Variants in RAB2B observed in about 807,000 individuals in gnomAD.
RAB2B encodes RAB2B, member RAS oncogene family, also known as ras-related protein Rab-2B.
A neutral mutation model predicts 29.8 loss-of-function variants in RAB2B; 20 were observed. The ratio of observed to expected loss-of-function variants is 0.67; its 90% CI spans 0.47 to 0.97. RAB2B has a LOEUF of 0.97. RAB2B is among the 50% of genes least tolerant of loss of function. RAB2B has a pLI of 0.00. For missense variants in RAB2B, 218 were observed against 272.0 expected (o/e 0.80, Z 1.40); for synonymous variants, 93 against 91.7 (o/e 1.01, Z -0.08).
intron 3 of RAB2B, among the ~76,000 whole-genome samples, chr14:21,469,786 T>C (rs1326859986): frequency 6.6e-6 from 1 of 152,144 alleles, no homozygotes; most frequent in East Asian, 1.9e-4. Flanking sequence ...GGCTTTCTCA[T>C]AGTATAATAC....
chr14:21,471,063 C>T (rs1890800896), intron 3 of RAB2B, among the ~76,000 whole-genome samples: 1 of 148,980 alleles, frequency 6.7e-6, no homozygotes. Flanking sequence ...ATCCCAGCTA[C>T]TCAGGAGGCT....
chr14:21,470,780 G>C (rs76533114), intron 3 of RAB2B, among the ~76,000 whole-genome samples: 2 of 152,248 alleles, frequency 1.3e-5, no homozygotes, highest in African/African-American at 2.4e-5. Flanking sequence ...AGGCCCACAT[G>C]ATGGTTCAAT....
At chr14:21,468,540 C>G in intron 4 of RAB2B, 91 bp from the exon 5 acceptor site, 1 of 1,329,570 alleles carries the variant, frequency 7.5e-7, no homozygotes, top group Non-Finnish European at 1.1e-6. Context: ...GGAAGCCATA[C>G]GTGTAAAGAA....
intron 5 of RAB2B, among the ~76,000 whole-genome samples, chr14:21,466,726 T>C (rs1377978918): frequency 6.6e-6 from 1 of 152,110 alleles, no homozygotes; most frequent in East Asian, 1.9e-4. Context: ...TATCTTCATA[T>C]CTCTGAGAAG....
chr14:21,474,758 C>T (rs1890907089), intron 3 of RAB2B, 109 bp downstream of exon 3: 3 of 829,414 alleles, frequency 3.6e-6, no homozygotes, highest in Non-Finnish European at 6.0e-6. Flanking sequence ...CACCTTTCCC[C>T]TACTTTATCC....
intron 3 of RAB2B, among the ~76,000 whole-genome samples, chr14:21,474,162 G>C (rs1890889499): frequency 6.6e-6 from 1 of 152,182 alleles, no homozygotes; most frequent in Non-Finnish European, 1.5e-5. Flanking sequence ...TTGCATTCCA[G>C]CCTGGGTGAC....
chr14:21,474,177 GTGAA>G (rs1890890063), intron 3 of RAB2B, among the ~76,000 whole-genome samples: 2 of 152,164 alleles, frequency 1.3e-5, no homozygotes, highest in South Asian at 4.1e-4. Flanking sequence ...GGTGACAAGA[GTGAA>G]TCTCTGTCTC....
At chr14:21,469,440 A>G (rs552202202) in intron 3 of RAB2B, among the ~76,000 whole-genome samples, 3 of 152,208 alleles carry the variant, frequency 2.0e-5, no homozygotes, top group Non-Finnish European at 4.4e-5. Flanking sequence ...GGCCCAGCAT[A>G]GAGTTTTCCT....
At position 21,461,154 on chromosome 14, in the gene RAB2B, G is replaced by A. The variant is rs764676477; in HGVS notation, c.*42C>T. 21 of 1,360,304 alleles carry A rather than the reference G, an allele frequency of 1.5e-5. No individual in the cohort carries two copies. The highest frequency in any genetic ancestry group is 2.1e-5 in the Non-Finnish European group (20 of 957,674). The allele number at this position is 1,360,304 out of a possible 1,614,324, so 84.3% of individuals were successfully genotyped here. Reference sequence around the variant, plus strand: ...CCTCTTTCATTAAGCCTATTGATCTGAAGCTATTCCAGGAAGGACAAAAAA... The same window carrying A: ...CCTCTTTCATTAAGCCTATTGATCTAAAGCTATTCCAGGAAGGACAAAAAA... On this transcript the variant is annotated 3_prime_UTR_variant, in exon 8 of 8. Transcript: ENST00000397762.
At chr14:21,472,633 A>G (rs1453481356) in intron 3 of RAB2B, among the ~76,000 whole-genome samples, 1 of 152,218 alleles carries the variant, frequency 6.6e-6, no homozygotes, top group Non-Finnish European at 1.5e-5. Context: ...ATTAATCTCA[A>G]GACAATTTTA....
At chr14:21,475,024 A>T (rs140285964) in intron 2 of RAB2B, 90 bp from the exon 3 acceptor site, 1 of 981,886 alleles carries the variant, frequency 1.0e-6, no homozygotes. Context: ...AATGTGTTAT[A>T]ACCATCCTTT....
At chr14:21,472,201 A>G (rs557159738) in intron 3 of RAB2B, among the ~76,000 whole-genome samples, 18 of 152,346 alleles carry the variant, frequency 1.2e-4, no homozygotes, top group Non-Finnish European at 2.5e-4. Context: ...TTATTTGATC[A>G]GTATTTTATA....
intron 3 of RAB2B, among the ~76,000 whole-genome samples, chr14:21,472,955 G>A (rs1419686505): frequency 6.6e-6 from 1 of 152,192 alleles, no homozygotes. Context: ...ACTTTGGGAG[G>A]CTGAGGAGGG....
Position 21,459,511 on chromosome 14 carries a change from G to A in RAB2B, c.*1685C>T, listed in dbSNP as rs751873151. The A allele has an allele frequency of 2.0e-5, 3 of 151,942 alleles. No homozygotes were observed. Among genetic ancestry groups the A allele is most frequent in the Non-Finnish European group, 4.4e-5 (3 of 68,014 alleles). 9.4% of individuals were successfully genotyped at this position (151,942 alleles called of 1,614,324 possible). Reference sequence around the variant, plus strand: ...AGGCACTGTAAAGGAATGATAGGGGGAATAATTTATAAAAATAAAGGAATG... The same window carrying A: ...AGGCACTGTAAAGGAATGATAGGGGAAATAATTTATAAAAATAAAGGAATG... On this transcript the variant is annotated 3_prime_UTR_variant, in exon 8 of 8. Coordinates refer to ENST00000397762, the MANE Select transcript of RAB2B (RefSeq NM_032846.4).
chr14:21,463,215 A>G (rs1023810575), intron 6 of RAB2B, among the ~76,000 whole-genome samples: 10 of 151,690 alleles, frequency 6.6e-5, no homozygotes, highest in Admixed American at 5.9e-4. Context: ...AAGGAATGAG[A>G]CATGTAGTCA....
intron 5 of RAB2B, 120 bp from the exon 6 acceptor site, chr14:21,463,887 T>C (rs557618655): frequency 1.6e-6 from 1 of 644,790 alleles, no homozygotes; most frequent in African/African-American, 1.8e-5. Context: ...AGAATGTAGA[T>C]CCTACATGAT....
chr14:21,464,184 G>C (rs1039779514), intron 5 of RAB2B, among the ~76,000 whole-genome samples: 2 of 151,814 alleles, frequency 1.3e-5, no homozygotes, highest in Non-Finnish European at 2.9e-5. Flanking sequence ...GGTGGATCAC[G>C]AGTTCAGGAG....
At chr14:21,464,985 C>T (rs1890654279) in intron 5 of RAB2B, among the ~76,000 whole-genome samples, 2 of 150,786 alleles carry the variant, frequency 1.3e-5, no homozygotes, top group Admixed American at 6.7e-5. Flanking sequence ...GGCAACAGCA[C>T]GAGACCTTGT....
chr14:21,463,252 T>TC (rs1890607838), intron 6 of RAB2B, among the ~76,000 whole-genome samples: 1 of 150,658 alleles, frequency 6.6e-6, no homozygotes, highest in South Asian at 2.1e-4. Context: ...TTCTTTCTTT[T>TC]TTTTTTTTTT....
Sources: allele counts gnomAD v4.1 joint callset (sites outside exome capture counted in the v4.1 genomes callset), GRCh38; gene constraint gnomAD v4.1.1; transcripts MANE v1.5; gene names NCBI Gene and HGNC (gene_info 2026-07-23, HGNC 2026-07-21).